The following MGAT4C variants were observed in gnomAD, a reference collection of about 807,000 sequenced individuals.
MGAT4C encodes the protein MGAT4 family member C.
Under a neutral mutation model 40.1 loss-of-function variants are expected in MGAT4C, and 19 were observed. That is an observed-to-expected ratio of 0.47 (90% CI 0.33 to 0.70). MGAT4C has a LOEUF of 0.70. Among genes scored for constraint, MGAT4C ranks in the 30% least tolerant of loss-of-function variants. The pLI is 0.02. For synonymous variants in MGAT4C, 181 were observed against 187.1 expected (o/e 0.97, Z 0.27); for missense variants, 491 against 563.2 (o/e 0.87, Z 1.30).
chr12:86,445,369 T>A (rs1957315126), intron 2 of MGAT4C, among the ~76,000 whole-genome samples: 1 of 152,186 alleles, frequency 6.6e-6, no homozygotes, highest in African/African-American at 2.4e-5. Flanking sequence ...TCAAAAATAT[T>A]CATTCACCAT....
chr12:86,139,758 T>G (rs1452567188), intron 1 of MGAT4C, among the ~76,000 whole-genome samples: 1 of 152,208 alleles, frequency 6.6e-6, no homozygotes, highest in African/African-American at 2.4e-5. Context: ...AGGATATGAC[T>G]TAAGCTTTAC....
intron 3 of MGAT4C, among the ~76,000 whole-genome samples, chr12:86,431,536 C>G (rs1416796269): frequency 2.0e-5 from 3 of 152,058 alleles, no homozygotes; most frequent in African/African-American, 4.8e-5. Flanking sequence ...CCAATAAACC[C>G]ATTATAAGTT....
intron 3 of MGAT4C, among the ~76,000 whole-genome samples, chr12:86,385,149 A>G (rs1368212576): frequency 6.6e-6 from 1 of 152,212 alleles, no homozygotes; most frequent in Admixed American, 6.5e-5. Flanking sequence ...GGTGCTCAAT[A>G]AACACTTGCT....
intron 4 of MGAT4C, among the ~76,000 whole-genome samples, chr12:86,300,098 A>G (rs1953773987): frequency 2.0e-5 from 3 of 152,168 alleles, no homozygotes; most frequent in Admixed American, 2.0e-4. Flanking sequence ...CTTCATCTCT[A>G]CTGATGCCTA....
intron 1 of MGAT4C, among the ~76,000 whole-genome samples, chr12:86,733,627 G>T (rs1950944549): frequency 6.6e-6 from 1 of 152,100 alleles, no homozygotes; most frequent in African/African-American, 2.4e-5. Flanking sequence ...CATCACAATA[G>T]ATGTCAGTAT....
chr12:86,747,664 G>A (rs762534005), intron 1 of MGAT4C, among the ~76,000 whole-genome samples: 36 of 151,542 alleles, frequency 2.4e-4, no homozygotes, highest in African/African-American at 8.7e-4. Context: ...ATTGATAACA[G>A]TTATAGAGCT....
At chr12:86,467,541 G>C (rs1048433658) in intron 2 of MGAT4C, among the ~76,000 whole-genome samples, 3 of 151,954 alleles carry the variant, frequency 2.0e-5, no homozygotes, top group African/African-American at 7.2e-5. Context: ...AATAACAAAG[G>C]GTTAAACTAA....
At chr12:86,507,885 C>T (rs7967529) in intron 2 of MGAT4C, among the ~76,000 whole-genome samples, 134,014 of 151,994 alleles carry the variant, frequency 0.88, 59,148 homozygotes, top group East Asian at 1. Context: ...GTTTTGGCTA[C>T]TTAGGGTTCT....
chr12:86,321,409 T>C (rs1592694328), intron 4 of MGAT4C, among the ~76,000 whole-genome samples: 1 of 152,288 alleles, frequency 6.6e-6, no homozygotes, highest in East Asian at 1.9e-4. Context: ...TATCAGAAAC[T>C]TCTTTTATTT....
At chr12:86,249,608 T>C (rs938784642) in intron 1 of MGAT4C, among the ~76,000 whole-genome samples, 1 of 152,176 alleles carries the variant, frequency 6.6e-6, no homozygotes, top group Non-Finnish European at 1.5e-5. Context: ...GTTATGACAG[T>C]TGTCCTTACT....
At chr12:86,093,728 T>TAAA (rs1354322238) in intron 1 of MGAT4C, among the ~76,000 whole-genome samples, 2 of 122,976 alleles carry the variant, frequency 1.6e-5, no homozygotes, top group East Asian at 4.3e-4. Context: ...AGACTCCGTC[T>TAAA]AAAAACAACA....
At chr12:85,988,626 A>G (rs1479401609) in intron 3 of MGAT4C, among the ~76,000 whole-genome samples, 1 of 152,062 alleles carries the variant, frequency 6.6e-6, no homozygotes, top group East Asian at 1.9e-4. Context: ...TAAGATAGAA[A>G]AAGTGAATAG....
chr12:86,264,656 C>T (rs1952741724), intron 4 of MGAT4C, among the ~76,000 whole-genome samples: 2 of 152,188 alleles, frequency 1.3e-5, no homozygotes, highest in Admixed American at 1.3e-4. Flanking sequence ...GGCAGGGTCC[C>T]CGCCTCCTGG....
rs143671559 is a variant in MGAT4C at position 86,579,727 on chromosome 12, G to C, written c.-228-144462C>G. Among the ~76,000 whole-genome samples, 8 of 151,514 alleles carry C rather than the reference G, an allele frequency of 5.3e-5. No individual in the cohort carries two copies. In the Admixed American group the frequency reaches 5.3e-4, roughly 10 times the overall value. ...AGTATTCCCTTTAGCATTTCTTGTA[G>C]GACAAGTCTGGTATTGATGAAATCT... is the stretch of plus-strand genomic sequence containing the variant. On this transcript the variant is annotated intron_variant, in intron 2 of 7. Coordinates refer to the MGAT4C transcript ENST00000548651.
Position 86,279,152 on chromosome 12 carries a change from T to C in MGAT4C, c.-57+54913A>G, listed in dbSNP as rs141833347. 9.6e-3 allele frequency among the ~76,000 whole-genome samples: 1,462 copies of C among 152,296 alleles called. 12 individuals are homozygous for C. The highest frequency in any genetic ancestry group is 0.017 in the Non-Finnish European group (1,136 of 68,010). On this transcript the variant is annotated intron_variant, in intron 4 of 7. Transcript: ENST00000548651. ...ATGTGTCTTTGTCTGATTTTGGTAT[T>C]AGGATAATACTGGCCTTGTAGAATG...
chr12:86,263,639 A>G (rs1188180050), intron 4 of MGAT4C, among the ~76,000 whole-genome samples: 1 of 152,188 alleles, frequency 6.6e-6, no homozygotes, highest in Non-Finnish European at 1.5e-5. Flanking sequence ...TGAGCCTATC[A>G]GTGCAGATAT....
intron 2 of MGAT4C, among the ~76,000 whole-genome samples, chr12:86,014,837 A>ATT (rs932589517): frequency 2.6e-5 from 4 of 151,814 alleles, no homozygotes; most frequent in Admixed American, 2.0e-4. Context: ...TATTATTATT[A>ATT]TTTTTTATTT....
intron 2 of MGAT4C, among the ~76,000 whole-genome samples, chr12:86,514,309 G>A (rs1958646359): frequency 6.6e-6 from 1 of 152,014 alleles, no homozygotes; most frequent in Admixed American, 6.6e-5. Context: ...TTGCCAGAGG[G>A]GGATCTGTAT....
At chr12:86,686,633 A>G (rs1006173210) in intron 2 of MGAT4C, among the ~76,000 whole-genome samples, 2 of 152,184 alleles carry the variant, frequency 1.3e-5, no homozygotes, top group South Asian at 4.1e-4. Flanking sequence ...GTGATGGACT[A>G]TGTTTATTGA....
Sources: allele counts gnomAD v4.1 joint callset (sites outside exome capture counted in the v4.1 genomes callset), GRCh38; gene constraint gnomAD v4.1.1; transcripts MANE v1.5; gene names NCBI Gene and HGNC (gene_info 2026-07-23, HGNC 2026-07-21).